WWOX: variants seen among roughly 807,000 people sequenced by gnomAD.
WWOX encodes the protein WW domain containing oxidoreductase, also known as WW domain-containing oxidoreductase.
A neutral mutation model predicts 46.2 loss-of-function variants in WWOX; 69 were observed. That is an observed-to-expected ratio of 1.49 (90% CI 1.23 to 1.82). WWOX has a LOEUF of 1.82. Among genes scored for constraint, WWOX ranks in the 40% most tolerant of loss-of-function variants. WWOX has a pLI of 0.00. For missense variants in WWOX, 919 were observed against 542.6 expected, an observed-to-expected ratio of 1.69 and a Z score of -6.89; for synonymous variants, 359 against 202.6, an observed-to-expected ratio of 1.77 and a Z score of -6.56.
intron 8 of WWOX, among the ~76,000 whole-genome samples, chr16:78,817,438 A>G (rs1342786658): frequency 1.3e-5 from 2 of 152,162 alleles, no homozygotes; most frequent in Non-Finnish European, 2.9e-5. Context: ...ACCAACAATC[A>G]TAAAACTGAA....
At chr16:79,124,282 A>AG (rs1385087947) in intron 8 of WWOX, among the ~76,000 whole-genome samples, 1 of 152,160 alleles carries the variant, frequency 6.6e-6, no homozygotes, top group African/African-American at 2.4e-5. Flanking sequence ...TGGTCTTAAA[A>AG]GCATCCGCGC....
chr16:79,202,187 ATTAC>A (rs2051368296), intron 8 of WWOX, among the ~76,000 whole-genome samples: 1 of 152,224 alleles, frequency 6.6e-6, no homozygotes, highest in East Asian at 1.9e-4. Context: ...CAGAGCCTAA[ATTAC>A]TTAATCTCTG....
rs115012055 is a variant in WWOX, at chr16:78,877,497, C to T, written c.1057-334111C>T. Among the ~76,000 whole-genome samples, 871 of 152,332 alleles carry T rather than the reference C, an allele frequency of 5.7e-3. 6 individuals carry two copies. The highest frequency in any genetic ancestry group is 0.02 in the African/African-American group (821 of 41,576). ...TGACACTTTCTCAGTGAAGCTGTTT[C>T]TCACCACTCACTATAAAATGGCAGC... is the stretch of plus-strand genomic sequence containing the variant. On this transcript the variant is annotated intron_variant, in intron 8 of 8. Coordinates refer to ENST00000566780, the MANE Select transcript of WWOX (RefSeq NM_016373.4).
intron 8 of WWOX, among the ~76,000 whole-genome samples, chr16:78,681,265 C>T (rs1002705139): frequency 9.2e-5 from 14 of 151,898 alleles, no homozygotes; most frequent in Admixed American, 1.3e-4. Flanking sequence ...ATAAGCTGGA[C>T]GTGGTGGCAT....
At chr16:79,106,889 C>T (rs1239133169) in intron 8 of WWOX, 1 of 144,446 alleles carries the variant, frequency 6.9e-6, no homozygotes, top group Non-Finnish European at 1.5e-5. Flanking sequence ...CTCACTACAA[C>T]ATCTGCCCCC....
At chr16:79,032,525 C>G (rs900912795) in intron 8 of WWOX, among the ~76,000 whole-genome samples, 11 of 147,282 alleles carry the variant, frequency 7.5e-5, no homozygotes, top group African/African-American at 2.5e-4. Flanking sequence ...TATATATACA[C>G]AATAGTCTAG....
chr16:79,000,576 C>G (rs914859773), intron 8 of WWOX, among the ~76,000 whole-genome samples: 11 of 152,168 alleles, frequency 7.2e-5, no homozygotes, highest in African/African-American at 2.7e-4. Context: ...CCAAGGAATT[C>G]AGGCAGCGTC....
intron 5 of WWOX, among the ~76,000 whole-genome samples, chr16:78,216,657 C>CT (rs1243341511): frequency 1.8e-4 from 27 of 149,794 alleles, no homozygotes; most frequent in East Asian, 1.8e-3. Context: ...TCTTCTCCTG[C>CT]TTTTTTTTTT....
At chr16:78,526,243 C>T (rs1459656623) in intron 8 of WWOX, 2 of 152,262 alleles carry the variant, frequency 1.3e-5, no homozygotes, top group African/African-American at 4.8e-5. Flanking sequence ...CGCCGGAGGC[C>T]ACTCCTAATT....
intron 8 of WWOX, among the ~76,000 whole-genome samples, chr16:78,680,494 G>A (rs185388703): frequency 3.3e-5 from 5 of 152,186 alleles, no homozygotes; most frequent in East Asian, 3.9e-4. Context: ...ACTTCACTGC[G>A]GCCTGAGCTA....
intron 8 of WWOX, among the ~76,000 whole-genome samples, chr16:78,554,175 C>T (rs2044235614): frequency 6.6e-6 from 1 of 152,122 alleles, no homozygotes; most frequent in South Asian, 2.1e-4. Context: ...TGCCCTAAGG[C>T]AGTAGCACTA....
chr16:79,033,900 A>G (rs937095962), intron 8 of WWOX, among the ~76,000 whole-genome samples: 4 of 152,224 alleles, frequency 2.6e-5, no homozygotes, highest in Non-Finnish European at 4.4e-5. Context: ...CGCACCATCA[A>G]ACAGGCATAG....
At position 78,472,530 on chromosome 16, in the gene WWOX, C is replaced by T. The variant is rs139737836; in HGVS notation, c.1056+39778C>T. On this transcript the variant is annotated intron_variant, in intron 8 of 8. Transcript: ENST00000566780. ...TGCTATGTTGAAAAAAATGATGAGC[C>T]GGGCACAGTGGCTCACGCCTGTAAT... Among the ~76,000 whole-genome samples, 1,250 of 152,140 alleles carry T rather than the reference C, an allele frequency of 8.2e-3. 15 individuals carry two copies. The highest frequency in any genetic ancestry group is 8.9e-3 in the Non-Finnish European group (607 of 67,992).
intron 8 of WWOX, among the ~76,000 whole-genome samples, chr16:78,835,972 G>A (rs2051970783): frequency 6.6e-6 from 1 of 152,130 alleles, no homozygotes; most frequent in South Asian, 2.1e-4. Flanking sequence ...TACCTAAGCT[G>A]CCACTTCTTC....
chr16:78,750,196 C>G (rs2049442920), intron 8 of WWOX, among the ~76,000 whole-genome samples: 1 of 152,190 alleles, frequency 6.6e-6, no homozygotes, highest in Non-Finnish European at 1.5e-5. Context: ...CTGCCTTATT[C>G]AAAAACAGGA....
chr16:78,263,138 G>T (rs1302395238), intron 5 of WWOX, among the ~76,000 whole-genome samples: 1 of 152,184 alleles, frequency 6.6e-6, no homozygotes, highest in African/African-American at 2.4e-5. Context: ...TACTCGAGAG[G>T]CTGAGGCAGG....
rs550537254 is a variant in WWOX at position 78,245,645 on chromosome 16, T to C, written c.516+81356T>C. 2.6e-5 allele frequency among the ~76,000 whole-genome samples: 4 copies of C among 152,380 alleles called. No homozygotes were observed. The East Asian group carries it at 7.7e-4, about 29-fold the overall frequency. On this transcript the variant is annotated intron_variant, in intron 5 of 8. Transcript: ENST00000566780. ...GAATTTTCTGCCTCACTAATGTGCA[T>C]GTCTTCAAAGACAAGTAGTGGGAAC...
intron 4 of WWOX, among the ~76,000 whole-genome samples, chr16:78,163,266 A>G (rs543812692): frequency 2.6e-4 from 39 of 152,322 alleles, no homozygotes; most frequent in African/African-American, 7.9e-4. Context: ...AATTGGATAG[A>G]TAGGGACTGA....
chr16:78,365,398 A>T (rs1297261382), intron 5 of WWOX, among the ~76,000 whole-genome samples: 1 of 152,180 alleles, frequency 6.6e-6, no homozygotes, highest in East Asian at 1.9e-4. Flanking sequence ...CATCCGTCTA[A>T]ATCAGGTGCT....
Sources: allele counts gnomAD v4.1 joint callset (sites outside exome capture counted in the v4.1 genomes callset), GRCh38; gene constraint gnomAD v4.1.1; transcripts MANE v1.5; gene names NCBI Gene and HGNC (gene_info 2026-07-23, HGNC 2026-07-21).